Variants in PLD5 observed in about 807,000 individuals in gnomAD.
The protein encoded by PLD5 is inactive phospholipase D5.
A neutral mutation model predicts 61.1 loss-of-function variants in PLD5; 36 were observed. The ratio of observed to expected loss-of-function variants is 0.59; its 90% CI spans 0.45 to 0.78. The LOEUF is 0.78. Ranked by LOEUF, PLD5 falls within the 30% of genes least tolerant of loss-of-function variation. PLD5 has a pLI of 0.00. For synonymous variants in PLD5, 243 were observed against 242.8 expected, an observed-to-expected ratio of 1.00 and a Z score of -0.01; for missense variants, 515 against 644.4, an observed-to-expected ratio of 0.80 and a Z score of 2.17.
chr1:242,265,554 A>T, intron 3 of PLD5, 106 bp from the exon 4 acceptor site: 1 of 1,018,442 alleles, frequency 9.8e-7, no homozygotes, highest in Non-Finnish European at 1.4e-6. Flanking sequence ...TTCAAATGTT[A>T]AAAAGTCAAG....
intron 5 of PLD5, among the ~76,000 whole-genome samples, chr1:242,207,808 ATTTATATT>A (rs1669449332): frequency 1.6e-5 from 1 of 64,434 alleles, no homozygotes; most frequent in Non-Finnish European, 2.6e-5. Flanking sequence ...ATTTATATAT[ATTTATATT>A]TATATATTTA....
At chr1:242,473,385 C>T (rs1174115506) in intron 1 of PLD5, among the ~76,000 whole-genome samples, 4 of 152,142 alleles carry the variant, frequency 2.6e-5, no homozygotes. Context: ...ATGGAAAAGA[C>T]ACTTACTCCC....
intron 1 of PLD5, among the ~76,000 whole-genome samples, chr1:242,458,736 AT>A (rs59248135): frequency 0.014 from 2,158 of 152,310 alleles, 49 homozygotes; most frequent in African/African-American, 0.048. Context: ...ACCTGTGTTA[AT>A]TGTTACTTGT....
Position 242,219,877 on chromosome 1 carries a change from GAAT to G in PLD5, c.735+108_735+110del, listed in dbSNP as rs1574545347. ...ATGAGCCTCTTAAAACTACAGTTAA[GAAT>G]AATAAATGCTGTAGGTTTTAGGATC... On this transcript the variant is annotated intron_variant, in intron 5 of 9. Coordinates refer to ENST00000536534, the MANE Select transcript of PLD5 (RefSeq NM_001372062.1). 4.4e-6 allele frequency: 6 copies of G among 1,360,498 alleles called. No homozygotes were observed. In the East Asian group the frequency reaches 1.4e-4, roughly 32 times the overall value. 84.3% of individuals were successfully genotyped at this position (1,360,498 alleles called of 1,614,324 possible).
chr1:242,288,081 G>T (rs1675133871), intron 3 of PLD5, among the ~76,000 whole-genome samples: 1 of 152,212 alleles, frequency 6.6e-6, no homozygotes, highest in Admixed American at 6.5e-5. Flanking sequence ...CATGTAAATA[G>T]CACGCCCTGA....
intron 3 of PLD5, among the ~76,000 whole-genome samples, chr1:242,274,012 T>C (rs1435656232): frequency 6.6e-6 from 1 of 152,162 alleles, no homozygotes; most frequent in Non-Finnish European, 1.5e-5. Context: ...TCCAGGTCTG[T>C]AAGAAAATAA....
intron 1 of PLD5, among the ~76,000 whole-genome samples, chr1:242,502,603 A>T (rs932000517): frequency 1.3e-5 from 2 of 152,154 alleles, no homozygotes; most frequent in Non-Finnish European, 2.9e-5. Flanking sequence ...ATTACAACTA[A>T]TCAATTACAT....
intron 1 of PLD5, among the ~76,000 whole-genome samples, chr1:242,400,594 C>T (rs1049911892): frequency 6.6e-6 from 1 of 152,080 alleles, no homozygotes; most frequent in African/African-American, 2.4e-5. Context: ...TCTTGCCATC[C>T]CATACATTGA....
At position 242,364,680 on chromosome 1, in the gene PLD5, C is replaced by A. The variant is rs569538867; in HGVS notation, c.190-16438G>T. Among the ~76,000 whole-genome samples the A allele has an allele frequency of 2.6e-5, 4 of 152,174 alleles. No individual in the cohort carries two copies. The East Asian group carries it at 5.8e-4, about 22-fold the overall frequency. Reference sequence around the variant, plus strand: ...GCAGTGAGCCAAGATCTTGCCACTGCACTCCAGCCTGGTTGATAGAGCAAG... The same window carrying A: ...GCAGTGAGCCAAGATCTTGCCACTGAACTCCAGCCTGGTTGATAGAGCAAG... On this transcript the variant is annotated intron_variant, in intron 1 of 9. Transcript: ENST00000536534.
chr1:242,152,729 G>A (rs1469335780), intron 5 of PLD5, among the ~76,000 whole-genome samples: 1 of 152,102 alleles, frequency 6.6e-6, no homozygotes, highest in Non-Finnish European at 1.5e-5. Flanking sequence ...GTGTATATGT[G>A]TCACATTTTC....
chr1:242,448,960 CCACA>C (rs1346322330), intron 1 of PLD5, among the ~76,000 whole-genome samples: 2 of 152,172 alleles, frequency 1.3e-5, no homozygotes, highest in East Asian at 1.9e-4. Flanking sequence ...ATTTTTACCG[CCACA>C]CAAACATATC....
At chr1:242,252,580 A>G (rs1056397899) in intron 4 of PLD5, among the ~76,000 whole-genome samples, 5 of 152,176 alleles carry the variant, frequency 3.3e-5, no homozygotes, top group African/African-American at 1.2e-4. Context: ...AGTACCCTTC[A>G]GAACATACAC....
At chr1:242,209,533 T>G (rs1193072287) in intron 5 of PLD5, among the ~76,000 whole-genome samples, 3 of 152,174 alleles carry the variant, frequency 2.0e-5, no homozygotes, top group Admixed American at 6.5e-5. Flanking sequence ...GTACTATATC[T>G]GTTATGGTGA....
At chr1:242,509,323 G>A (rs1668830179) in intron 1 of PLD5, among the ~76,000 whole-genome samples, 1 of 150,890 alleles carries the variant, frequency 6.6e-6, no homozygotes, top group Admixed American at 6.6e-5. Context: ...AGGTTTCAGT[G>A]AGCTGAGATT....
At chr1:242,277,673 A>T (rs1292224347) in intron 3 of PLD5, among the ~76,000 whole-genome samples, 3 of 149,432 alleles carry the variant, frequency 2.0e-5, no homozygotes, top group African/African-American at 7.4e-5. Flanking sequence ...TTGTAATGTT[A>T]AGTTCAAAAT....
At chr1:242,232,080 T>C (rs1671346011) in intron 4 of PLD5, among the ~76,000 whole-genome samples, 1 of 151,954 alleles carries the variant, frequency 6.6e-6, no homozygotes, top group Admixed American at 6.6e-5. Context: ...TTATAAATAA[T>C]AGTAAAATTC....
upstream of PLD5, among the ~76,000 whole-genome samples, chr1:242,525,141 G>C (rs1226453795): frequency 6.6e-6 from 1 of 152,104 alleles, no homozygotes; most frequent in Admixed American, 6.6e-5. Context: ...AGCAGAGGGT[G>C]CCCAGCATTC....
chr1:242,129,635 G>C (rs1341828938), intron 5 of PLD5, among the ~76,000 whole-genome samples: 1 of 152,232 alleles, frequency 6.6e-6, no homozygotes, highest in African/African-American at 2.4e-5. Context: ...CTGATTTGCT[G>C]ACAAATTCTT....
At chr1:242,374,036 T>A (rs888593397) in intron 1 of PLD5, among the ~76,000 whole-genome samples, 2 of 151,962 alleles carry the variant, frequency 1.3e-5, no homozygotes, top group Non-Finnish European at 2.9e-5. Flanking sequence ...TGGTCGCTGT[T>A]CATACAGCCA....
Sources: gnomAD v4.1 joint callset for allele counts (sites outside exome capture counted in the v4.1 genomes callset) on GRCh38, gnomAD v4.1.1 for gene constraint, MANE v1.5 for transcripts, NCBI Gene and HGNC (gene_info 2026-07-23, HGNC 2026-07-21) for gene names.